Variants in MORN1 observed in about 807,000 individuals in gnomAD.
MORN1 encodes the protein MORN repeat-containing protein 1.
A neutral mutation model predicts 61.9 loss-of-function variants in MORN1; 67 were observed. The observed-to-expected ratio is 1.08, with a 90% CI of 0.89 to 1.33. The LOEUF (loss-of-function observed/expected upper bound fraction) is 1.33. Among genes scored for constraint, MORN1 ranks in the 40% most tolerant of loss-of-function variants. MORN1 has a pLI of 0.00. For synonymous variants in MORN1, 301 were observed against 292.0 expected (o/e 1.03, Z -0.31); for missense variants, 752 against 691.2 (o/e 1.09, Z -0.99).
chr1:2,341,971 G>C (rs145732377), intron 10 of MORN1, among the ~76,000 whole-genome samples: 1 of 152,346 alleles, frequency 6.6e-6, no homozygotes, highest in Non-Finnish European at 1.5e-5. Context: ...GGAGAGTGAG[G>C]GTCCCCGGCA....
chr1:2,335,813 G>C (rs191533663), intron 12 of MORN1, among the ~76,000 whole-genome samples: 1 of 140,978 alleles, frequency 7.1e-6, no homozygotes, highest in Admixed American at 6.7e-5. Flanking sequence ...ATCAGCGGGG[G>C]CCTCCTCGCC....
chr1:2,325,140 C>CTTCCTTCCCTTCCTTCCT (rs371807562), intron 12 of MORN1, among the ~76,000 whole-genome samples: 1 of 6,692 alleles, frequency 1.5e-4, no homozygotes, highest in African/African-American at 9.1e-4. Flanking sequence ...CCTTCCCTCC[C>CTTCCTTCCCTTCCTTCCT]TCCCTCCCTT....
intron 8 of MORN1, chr1:2,363,401 T>C (rs1641933701): frequency 6.6e-6 from 1 of 152,148 alleles, no homozygotes; most frequent in Non-Finnish European, 1.5e-5. Flanking sequence ...CCCCTTTTAC[T>C]TAACGAGTTG....
Position 2,355,304 on chromosome 1 carries a change from G to A in MORN1, c.1036+2128C>T, listed in dbSNP as rs1001195766. 1.4e-5 allele frequency: 20 copies of A among 1,469,906 alleles called. No homozygotes were observed. In the Admixed American group the frequency reaches 2.3e-4, roughly 17 times the overall value. 91.1% of individuals were successfully genotyped at this position (1,469,906 alleles called of 1,614,324 possible). On this transcript the variant is annotated intron_variant, in intron 10 of 13. Coordinates refer to ENST00000378531, the MANE Select transcript of MORN1 (RefSeq NM_024848.3). ...GCCCCCCGTGGGCCTGTTGGCCTGA[G>A]GCTTGGCCGCCTTGGCCTCCCGTGG...
chr1:2,335,614 C>G (rs148761213), intron 12 of MORN1, among the ~76,000 whole-genome samples: 1 of 152,140 alleles, frequency 6.6e-6, no homozygotes, highest in East Asian at 1.9e-4. Context: ...GTCTGTGCAC[C>G]GCGTCACCAA....
intron 12 of MORN1, among the ~76,000 whole-genome samples, chr1:2,333,579 G>A (rs1557869364): frequency 6.6e-6 from 1 of 152,226 alleles, no homozygotes; most frequent in Non-Finnish European, 1.5e-5. Context: ...TGGGACTCCA[G>A]GGTGCTAGCG....
At chr1:2,341,941 CCA>C (rs1261438803) in intron 10 of MORN1, among the ~76,000 whole-genome samples, 2 of 152,216 alleles carry the variant, frequency 1.3e-5, no homozygotes, top group African/African-American at 4.8e-5. Flanking sequence ...TCCACGGGCC[CCA>C]GAGGAACCAT....
At chr1:2,366,201 A>ATCATTC (rs1220567780) in intron 8 of MORN1, among the ~76,000 whole-genome samples, 1 of 151,590 alleles carries the variant, frequency 6.6e-6, no homozygotes, top group East Asian at 1.9e-4. Flanking sequence ...ATTCGAAATC[A>ATCATTC]TCATTCTCAG....
intron 8 of MORN1, among the ~76,000 whole-genome samples, chr1:2,365,979 A>G (rs1212986669): frequency 6.9e-6 from 1 of 145,980 alleles, no homozygotes; most frequent in Non-Finnish European, 1.5e-5. Flanking sequence ...ATTACTGGGT[A>G]TATACCCAAA....
intron 10 of MORN1, among the ~76,000 whole-genome samples, chr1:2,342,595 C>T (rs1353142518): frequency 1.3e-5 from 2 of 152,096 alleles, no homozygotes; most frequent in African/African-American, 2.4e-5. Flanking sequence ...ACATGGGGGG[C>T]CTCTCGGACT....
intron 13 of MORN1, 103 bp from the exon 14 acceptor site, chr1:2,321,682 C>T: frequency 7.3e-7 from 1 of 1,364,104 alleles, no homozygotes; most frequent in South Asian, 1.6e-5. Context: ...GCCCCTGTGC[C>T]CCCGACCCTG....
chr1:2,340,987 C>A (rs1304590654), intron 10 of MORN1, among the ~76,000 whole-genome samples: 1 of 152,264 alleles, frequency 6.6e-6, no homozygotes, highest in Non-Finnish European at 1.5e-5. Flanking sequence ...ACGACGCGGG[C>A]TGTCCTACGG....
intron 10 of MORN1, chr1:2,351,753 T>C (rs1317836495): frequency 1.1e-5 from 6 of 556,050 alleles, no homozygotes; most frequent in Non-Finnish European, 1.8e-5. Context: ...ATTCATATGC[T>C]TGTCAAAAGC....
At chr1:2,370,022 C>T (rs556269947) in intron 8 of MORN1, among the ~76,000 whole-genome samples, 84 of 152,202 alleles carry the variant, frequency 5.5e-4, no homozygotes, top group Non-Finnish European at 1.1e-3. Flanking sequence ...TGTAAAGGTC[C>T]CAGCAGAGTC....
At position 2,384,053 on chromosome 1, in the gene MORN1, T is replaced by C. The variant is rs148328212; in HGVS notation, c.537+925A>G. ...TAGCTAGCTGCCTCGTCCTTGTTGGTGACTCTTTCATTACGTTTTTCCCAT... is the reference window on the plus strand; with the variant it reads ...TAGCTAGCTGCCTCGTCCTTGTTGGCGACTCTTTCATTACGTTTTTCCCAT... On this transcript the variant is annotated intron_variant, in intron 6 of 13. Coordinates refer to ENST00000378531, the MANE Select transcript of MORN1 (RefSeq NM_024848.3). 9.2e-5 allele frequency among the ~76,000 whole-genome samples: 14 copies of C among 152,360 alleles called. No homozygotes were observed. In the South Asian group the frequency reaches 2.9e-3, roughly 32 times the overall value.
At chr1:2,331,695 G>C (rs1235250941) in intron 12 of MORN1, among the ~76,000 whole-genome samples, 1 of 152,182 alleles carries the variant, frequency 6.6e-6, no homozygotes, top group Non-Finnish European at 1.5e-5. Context: ...CTATTTTAGG[G>C]AACAGTCAAA....
At chr1:2,358,123 T>G (rs1641814623) in intron 9 of MORN1, among the ~76,000 whole-genome samples, 3 of 152,184 alleles carry the variant, frequency 2.0e-5, no homozygotes, top group Admixed American at 2.0e-4. Context: ...TGTGGGTTTG[T>G]GCACACACTG....
intron 13 of MORN1, chr1:2,323,218 G>C: frequency 1.0e-6 from 1 of 985,388 alleles, no homozygotes; most frequent in Non-Finnish European, 1.2e-6. Context: ...AGCCGCTCCC[G>C]TCACCAAGGC....
rs1259714953 is a variant in MORN1 at position 2,388,303 on chromosome 1, A to G, written c.183T>C (p.Tyr61=). Residue 61 remains tyrosine (Y), a synonymous_variant, in exon 3 of 14, where the codon TAT becomes TAC. Transcript: ENST00000378531. The part of the protein sequence containing the change: ...HGKLLFKDGS[Y]YEGAFVDGEI... ...CTCCGTCCACAAACGCCCCTTCGTAATAACTGCCATCTTTAAATAACAACT... is the reference window on the plus strand; with the variant it reads ...CTCCGTCCACAAACGCCCCTTCGTAGTAACTGCCATCTTTAAATAACAACT... The G allele has an allele frequency of 4.3e-6, 7 of 1,614,022 alleles. No homozygotes were observed. The highest frequency in any genetic ancestry group is 1.7e-5 in the Admixed American group (1 of 60,018).
Sources: gnomAD v4.1 joint callset for allele counts (sites outside exome capture counted in the v4.1 genomes callset) on GRCh38, gnomAD v4.1.1 for gene constraint, MANE v1.5 for transcripts, NCBI Gene and HGNC (gene_info 2026-07-23, HGNC 2026-07-21) for gene names.